The following SSX1 variants were observed in gnomAD, a reference collection of about 807,000 sequenced individuals.
SSX1 encodes SSX family member 1, also known as protein SSX1.
A neutral mutation model predicts 14.6 loss-of-function variants in SSX1; 58 were observed. The observed-to-expected ratio is 3.96, with a 90% CI of 3.21 to 4.93. The LOEUF (loss-of-function observed/expected upper bound fraction) is 4.93, where lower values mean the gene tolerates loss of function less well. SSX1 is among the 30% of genes most tolerant of loss of function. The probability of loss-of-function intolerance (pLI) is 0.00; values close to 1 mark genes in which losing one functional copy is unlikely to be tolerated. For missense variants in SSX1, 272 were observed against 143.1 expected, an observed-to-expected ratio of 1.90 and a Z score of -4.60; for synonymous variants, 46 against 52.1, an observed-to-expected ratio of 0.88 and a Z score of 0.50.
Position 48,266,282 on chromosome X carries a change from C to T in SSX1, c.467-5C>T. The T allele has an allele frequency of 1.7e-6, 2 of 1,207,965 alleles. No homozygotes were observed. The highest frequency in any genetic ancestry group is 3.5e-5 in the South Asian group (2 of 56,702). Reference sequence around the variant, plus strand: ...CCCTCATCTTCCAACTCTTCTCCATCATAGGACCCAAAAGGGGGAAACATG... The same window carrying T: ...CCCTCATCTTCCAACTCTTCTCCATTATAGGACCCAAAAGGGGGAAACATG... On this transcript the variant is annotated splice_region_variant and splice_polypyrimidine_tract_variant and intron_variant, in intron 6 of 7. Transcript: ENST00000376919.
chrX:48,258,745 G>A (rs1380605172), intron 4 of SSX1, 114 bp downstream of exon 4: 9 of 509,773 alleles, frequency 1.8e-5, no homozygotes, highest in East Asian at 4.1e-5. Context: ...AGGGTTGAGT[G>A]AAAAAAAAAA....
intron 6 of SSX1, among the ~76,000 whole-genome samples, chrX:48,264,706 T>C (rs1215911712): frequency 8.9e-6 from 1 of 112,382 alleles, no homozygotes; most frequent in African/African-American, 3.2e-5. Context: ...TTCTCTGTAG[T>C]ATGTGATGCT....
intron 4 of SSX1, 43 bp downstream of exon 4, chrX:48,258,674 A>G (rs199746176): frequency 2.3e-4 from 239 of 1,023,132 alleles, no homozygotes; most frequent in South Asian, 1.3e-3. Context: ...CTGAAGCCCA[A>G]TTGCTTTTCA....
At chrX:48,259,001 T>TGTTTTTGTTTC (rs1556935026) in intron 4 of SSX1, among the ~76,000 whole-genome samples, 1 of 106,056 alleles carries the variant, frequency 9.4e-6, no homozygotes, top group Non-Finnish European at 2.0e-5. Flanking sequence ...TCGTTTTGTT[T>TGTTTTTGTTTC]TGTTTTTGTT....
chrX:48,263,230 G>A lies in SSX1; in HGVS notation c.331-552G>A, dbSNP rs782190487. Among the ~76,000 whole-genome samples the A allele has an allele frequency of 2.7e-5, 3 of 111,243 alleles. No homozygotes were observed. In the East Asian group the frequency reaches 8.5e-4, roughly 31 times the overall value. On this transcript the variant is annotated intron_variant, in intron 5 of 7. Transcript: ENST00000376919. ...CACCTCACTGAATTCCACATTCAAT[G>A]TTGGTGCCTCGGTAGGGTGGTATGC...
rs1292546196 is a variant in SSX1 at position 48,257,349 on chromosome X, G to A, written c.69+39G>A. 6 of 1,199,398 alleles carry A rather than the reference G, an allele frequency of 5.0e-6. No individual in the cohort carries two copies. In the Admixed American group the frequency reaches 8.9e-5, roughly 18 times the overall value. ...GAGGGGGCAGAGCAGTGGTCCAGGG[G>A]ACAGAGTAGGGTGACCAGGTTTCTG... On this transcript the variant is annotated intron_variant, in intron 2 of 7. Coordinates refer to ENST00000376919, the MANE Select transcript of SSX1 (RefSeq NM_005635.4).
intron 6 of SSX1, 118 bp downstream of exon 6, chrX:48,264,035 T>C: frequency 9.2e-7 from 1 of 1,090,052 alleles, no homozygotes; most frequent in Non-Finnish European, 1.2e-6. Flanking sequence ...GCTGAAGAGC[T>C]CGCCCAGCTC....
At chrX:48,263,241 G>A (rs1286916335) in intron 5 of SSX1, among the ~76,000 whole-genome samples, 3 of 110,888 alleles carry the variant, frequency 2.7e-5, no homozygotes, top group Non-Finnish European at 3.8e-5. Flanking sequence ...TTGGTGCCTC[G>A]GTAGGGTGGT....
intron 6 of SSX1, among the ~76,000 whole-genome samples, chrX:48,264,582 C>T (rs1394613083): frequency 7.1e-5 from 8 of 112,256 alleles, no homozygotes; most frequent in Non-Finnish European, 1.3e-4. Flanking sequence ...GTGTTGATGG[C>T]TGCTGGCTGA....
At chrX:48,255,568 G>A (rs1465214394) in intron 1 of SSX1, 136 bp downstream of exon 1, 2 of 107,911 alleles carry the variant, frequency 1.9e-5, no homozygotes, top group African/African-American at 6.7e-5. Context: ...CTTTCAGGAC[G>A]ATCATCATGG....
chrX:48,262,875 A>G lies in SSX1; in HGVS notation c.331-907A>G, dbSNP rs147550907. ...TAAGGGCCGGGCGCGGGGGCTCACG[A>G]CTGTAATCCCAGCAATTTAGGAGGT... On this transcript the variant is annotated intron_variant, in intron 5 of 7. Transcript: ENST00000376919. Among the ~76,000 whole-genome samples, 169 of 111,146 alleles carry G rather than the reference A, an allele frequency of 1.5e-3. No homozygotes were observed. The East Asian group carries it at 0.016, about 11-fold the overall frequency.
At chrX:48,263,739 A>G (rs782168608) in intron 5 of SSX1, 43 bp from the exon 6 acceptor site, 4 of 1,207,072 alleles carry the variant, frequency 3.3e-6, no homozygotes, top group South Asian at 3.5e-5. Context: ...GCACTATAGA[A>G]ATGTCACTGA....
intron 6 of SSX1, among the ~76,000 whole-genome samples, chrX:48,264,698 C>A (rs2059617401): frequency 1.8e-5 from 2 of 112,180 alleles, no homozygotes; most frequent in South Asian, 7.3e-4. Context: ...TGAAAGATTT[C>A]TCTGTAGTAT....
At chrX:48,255,624 C>A (rs1345054188) in intron 1 of SSX1, among the ~76,000 whole-genome samples, 192 bp downstream of exon 1, 12 of 102,773 alleles carry the variant, frequency 1.2e-4, no homozygotes, top group African/African-American at 4.3e-4. Context: ...TGTATTATCC[C>A]ACCCCTGTTT....
chrX:48,265,338 T>G (rs782602208), intron 6 of SSX1, among the ~76,000 whole-genome samples: 20 of 112,147 alleles, frequency 1.8e-4, no homozygotes, highest in Non-Finnish European at 3.4e-4. Flanking sequence ...GCTTAGCCAT[T>G]TCTAGATTCT....
At chrX:48,263,984 G>C (rs1443857062) in intron 6 of SSX1, 67 bp downstream of exon 6, 2 of 1,173,178 alleles carry the variant, frequency 1.7e-6, no homozygotes, top group African/African-American at 3.6e-5. Flanking sequence ...TGTGGACTGG[G>C]TGTGTGGCAT....
chrX:48,260,678 A>C (rs1307250565), intron 4 of SSX1, among the ~76,000 whole-genome samples: 3 of 111,735 alleles, frequency 2.7e-5, no homozygotes, highest in African/African-American at 9.8e-5. Context: ...TCAGGATACA[A>C]AATCAATGTA....
rs188106287 is a variant in SSX1, at chrX:48,257,008, C to T, written c.-20-214C>T. On this transcript the variant is annotated intron_variant, in intron 1 of 7. Transcript: ENST00000376919. ...CAAAGACTCAAGGCTGCTAGGAAAC[C>T]TGTCATCCCCAAGCAATACTTCTCC... Among the ~76,000 whole-genome samples the T allele has an allele frequency of 6.2e-3, 687 of 111,035 alleles. 9 individuals are homozygous for T. The highest frequency in any genetic ancestry group is 0.021 in the African/African-American group (644 of 30,562).
intron 2 of SSX1, 69 bp downstream of exon 2, chrX:48,257,379 G>A: frequency 1.7e-6 from 2 of 1,188,585 alleles, no homozygotes; most frequent in East Asian, 3.0e-5. Context: ...TTTCTGAGGA[G>A]GGGAGGACAG....
Sources: allele counts gnomAD v4.1 joint callset (sites outside exome capture counted in the v4.1 genomes callset), GRCh38; gene constraint gnomAD v4.1.1; transcripts MANE v1.5; gene names NCBI Gene and HGNC (gene_info 2026-07-23, HGNC 2026-07-21).